The following SLC30A2 variants were observed in gnomAD, a reference collection of about 807,000 sequenced individuals.
The protein encoded by SLC30A2 is solute carrier family 30 member 2.
SLC30A2 carries 19 observed loss-of-function variants against 39.6 expected under a neutral mutation model. That is an observed-to-expected ratio of 0.48 (90% CI 0.34 to 0.70). SLC30A2 has a LOEUF of 0.70. SLC30A2 is among the 30% of genes least tolerant of loss of function. The pLI, the probability that SLC30A2 is intolerant of heterozygous loss-of-function variation, is 0.01. For synonymous variants in SLC30A2, 195 were observed against 194.8 expected (o/e 1.00, Z -0.01); for missense variants, 387 against 479.4 (o/e 0.81, Z 1.80).
intron 6 of SLC30A2, 137 bp from the exon 7 acceptor site, chr1:26,040,048 T>G (rs748110716): frequency 2.5e-5 from 20 of 811,300 alleles, no homozygotes; most frequent in Non-Finnish European, 3.8e-5. Flanking sequence ...TGAGGCTGCC[T>G]TCACCTCCCA....
At chr1:26,043,039 T>A (rs955160421) in intron 4 of SLC30A2, among the ~76,000 whole-genome samples, 1 of 152,196 alleles carries the variant, frequency 6.6e-6, no homozygotes, top group Non-Finnish European at 1.5e-5. Context: ...GAGACACCCA[T>A]TGTCTCTAAC....
chr1:26,038,873 T>A lies in SLC30A2; in HGVS notation c.*287A>T. On this transcript the variant is annotated 3_prime_UTR_variant, in exon 8 of 8. Coordinates refer to ENST00000374276, the MANE Select transcript of SLC30A2 (RefSeq NM_001004434.3). ...GGCTCACCACCTTTGCCCCTGCGAG[T>A]GGTAGAACATTTGCTGAGGATTAGG... 1 of 657,372 alleles carries A rather than the reference T, an allele frequency of 1.5e-6. No individual in the cohort carries two copies. Among genetic ancestry groups the A allele is most frequent in the African/African-American group, 1.9e-5 (1 of 53,614 alleles). The allele number at this position is 657,372 out of a possible 1,614,324, so 40.7% of individuals were successfully genotyped here. A position where few individuals can be genotyped will look rare whatever the true frequency, so the allele number is the denominator to read the frequency against.
At position 26,043,398 on chromosome 1, in the gene SLC30A2, A is replaced by G. The variant is rs776195536; in HGVS notation, c.572T>C (p.Ile191Thr). Residue 191 changes from isoleucine (I) to threonine (T), a missense_variant and splice_region_variant, in exon 4 of 8, where the codon ATA (isoleucine) becomes ACA (threonine). Ile to Thr is a moderately conservative substitution (Grantham distance 89). Coordinates refer to ENST00000374276, the MANE Select transcript of SLC30A2 (RefSeq NM_001004434.3). Reference protein sequence around the residue: ...TSGCAVAVNIIMGLTLHQSGH... With the variant: ...TSGCAVAVNITMGLTLHQSGH... ...CGAGGGAAACTGGGGCCCCACTCAC[A>G]TGATGTTCACAGCCACAGCGCAGCC... is the stretch of plus-strand genomic sequence containing the variant. 2 of 1,613,572 alleles carry G rather than the reference A, an allele frequency of 1.2e-6. No homozygotes were observed. The highest frequency in any genetic ancestry group is 1.7e-6 in the Non-Finnish European group (2 of 1,179,660).
Position 26,039,698 on chromosome 1 carries a change from T to C in SLC30A2, c.973+79A>G. The C allele has an allele frequency of 6.8e-7, 1 of 1,477,704 alleles. No individual in the cohort carries two copies. The highest frequency in any genetic ancestry group is 9.2e-7 in the Non-Finnish European group (1 of 1,084,980). The allele number at this position is 1,477,704 out of a possible 1,614,324, so 91.5% of individuals were successfully genotyped here. A position where few individuals can be genotyped will look rare whatever the true frequency, so the allele number is the denominator to read the frequency against. On this transcript the variant is annotated intron_variant, in intron 7 of 7. Transcript: ENST00000374276. This position sits in a 1 kb window ranked among gnomAD's most constrained non-coding sequence, Gnocchi z 4.3. ...GCATGGGCACTGTGAGCATCTGGGG[T>C]CACCTGGACCCGTTGGGGATGGCAC...
intron 6 of SLC30A2, 85 bp downstream of exon 6, chr1:26,041,615 A>C: frequency 1.2e-6 from 1 of 814,972 alleles, no homozygotes; most frequent in Non-Finnish European, 2.1e-6. Context: ...ATGTGCTAGG[A>C]TGCCCCAGAC....
intron 3 of SLC30A2, 39 bp downstream of exon 3, chr1:26,044,259 C>G (rs761942370): frequency 6.2e-6 from 10 of 1,609,582 alleles, no homozygotes; most frequent in Middle Eastern, 1.7e-4. Context: ...AACCCACCCT[C>G]TCTCTCAACC....
At position 26,045,917 on chromosome 1, in the gene SLC30A2, G is replaced by C; in HGVS notation, c.-21C>G. On this transcript the variant is annotated 5_prime_UTR_variant, in exon 1 of 8. Coordinates refer to ENST00000374276, the MANE Select transcript of SLC30A2 (RefSeq NM_001004434.3). ...TCCATGCAGTCCCGCGCCGAGTCCC[G>C]GCAGCCGCGCAGCCGCCCCGCCGAG... 3.1e-6 allele frequency: 5 copies of C among 1,607,752 alleles called. No individual in the cohort carries two copies. Among genetic ancestry groups the C allele is most frequent in the Non-Finnish European group, 3.4e-6 (4 of 1,179,110 alleles).
At chr1:26,043,966 C>T (rs2050430518) in intron 3 of SLC30A2, among the ~76,000 whole-genome samples, 1 of 152,124 alleles carries the variant, frequency 6.6e-6, no homozygotes, top group Non-Finnish European at 1.5e-5. Context: ...CTGGCCTTCC[C>T]CTCCCCCCAG....
chr1:26,045,879 C>T lies in SLC30A2; in HGVS notation c.18G>A (p.Lys6=), dbSNP rs1238852330. Residue 6 remains lysine, a synonymous_variant, in exon 1 of 8, where the codon AAG becomes AAA. Coordinates refer to ENST00000374276, the MANE Select transcript of SLC30A2 (RefSeq NM_001004434.3). Reference sequence around the variant, plus strand: ...CCGGCCTGGCGTCCAACAGATGCTGCTTCTCCTTGGCCTCCATGCAGTCCC... The same window carrying T: ...CCGGCCTGGCGTCCAACAGATGCTGTTTCTCCTTGGCCTCCATGCAGTCCC... MEAKE[K]QHLLDARPAI... 3.7e-6 allele frequency: 6 copies of T among 1,613,006 alleles called. No homozygotes were observed. Among genetic ancestry groups the T allele is most frequent in the East Asian group, 2.2e-5 (1 of 44,872 alleles).
At position 26,038,909 on chromosome 1, in the gene SLC30A2, G is replaced by T; in HGVS notation, c.*251C>A. 2 of 1,033,008 alleles carry T rather than the reference G, an allele frequency of 1.9e-6. No individual in the cohort carries two copies. Among genetic ancestry groups the T allele is most frequent in the Non-Finnish European group, 2.5e-6 (2 of 796,436 alleles). 64.0% of individuals were successfully genotyped at this position (1,033,008 alleles called of 1,614,324 possible). On this transcript the variant is annotated 3_prime_UTR_variant, in exon 8 of 8. Transcript: ENST00000374276. Reference sequence around the variant, plus strand: ...TTGCTGAGGATTAGGCCCAAATACAGCCCTTCCAGAGCTGGCCCAGGAGCT... The same window carrying T: ...TTGCTGAGGATTAGGCCCAAATACATCCCTTCCAGAGCTGGCCCAGGAGCT...
chr1:26,045,306 T>A, intron 1 of SLC30A2, 89 bp from the exon 2 acceptor site: 1 of 1,062,236 alleles, frequency 9.4e-7, no homozygotes, highest in East Asian at 2.5e-5. Context: ...AGGCCTTGTG[T>A]CCACTGGGAA....
chr1:26,045,565 G>A, intron 1 of SLC30A2: 1 of 618,072 alleles, frequency 1.6e-6, no homozygotes, highest in Non-Finnish European at 2.8e-6. Flanking sequence ...GGGCGGGGCT[G>A]CCTGGGGCAA....
rs892689660 is a variant in SLC30A2, at chr1:26,043,634, C to T, written c.419-83G>A. Reference sequence around the variant, plus strand: ...TTCCCCCTTCCTTCAGGATCCTCCCCACCCACCTCCCACACAAAGTCAGGG... The same window carrying T: ...TTCCCCCTTCCTTCAGGATCCTCCCTACCCACCTCCCACACAAAGTCAGGG... On this transcript the variant is annotated intron_variant, in intron 3 of 7. Coordinates refer to ENST00000374276, the MANE Select transcript of SLC30A2 (RefSeq NM_001004434.3). 1.6e-5 allele frequency: 23 copies of T among 1,410,100 alleles called. No homozygotes were observed. The East Asian group carries it at 5.0e-4, about 30-fold the overall frequency. 87.3% of individuals were successfully genotyped at this position (1,410,100 alleles called of 1,614,324 possible).
chr1:26,038,846 G>C lies in SLC30A2; in HGVS notation c.*314C>G. On this transcript the variant is annotated 3_prime_UTR_variant, in exon 8 of 8. Transcript: ENST00000374276. ...GGGCCAGCCTCCCCTTGGACGTCCC[G>C]TGGCTCACCACCTTTGCCCCTGCGA... is the stretch of plus-strand genomic sequence containing the variant. 1 of 392,036 alleles carries C rather than the reference G, an allele frequency of 2.6e-6. No homozygotes were observed. Among genetic ancestry groups the C allele is most frequent in the Non-Finnish European group, 3.8e-6 (1 of 260,484 alleles). The allele number at this position is 392,036 out of a possible 1,614,324, so 24.3% of individuals were successfully genotyped here.
chr1:26,037,939 T>A lies in SLC30A2; in HGVS notation c.*1221A>T, dbSNP rs1466361381. On this transcript the variant is annotated 3_prime_UTR_variant, in exon 8 of 8. Transcript: ENST00000374276. The stretch of plus-strand genomic sequence containing the variant: ...CCCTGGGGAGGCTGGGAAGCCCACC[T>A]GACTCCTCAGTGAGGCAGCCTCGGG... 1.3e-5 allele frequency: 2 copies of A among 152,238 alleles called. No individual in the cohort carries two copies. Among genetic ancestry groups the A allele is most frequent in the Non-Finnish European group, 2.9e-5 (2 of 68,046 alleles). 9.4% of individuals were successfully genotyped at this position (152,238 alleles called of 1,614,324 possible).
At position 26,042,637 on chromosome 1, in the gene SLC30A2, G is replaced by A; in HGVS notation, c.644C>T (p.Pro215Leu). The change falls in exon 5 of 8, where the codon CCC becomes CTC. Residue 215 changes from proline to leucine, a missense_variant. Pro to Leu is a moderately conservative substitution (Grantham distance 98, BLOSUM62 -3). Coordinates refer to ENST00000374276, the MANE Select transcript of SLC30A2 (RefSeq NM_001004434.3). The part of the protein sequence containing the change: ...HGTTNQQEEN[P>L]SVRAAFIHVI... ...ATGGATGAAGGCAGCTCGGACGCTG[G>A]GGTTCTCCTCCTGCTGGTTGGTGGT... 4 of 1,614,174 alleles carry A rather than the reference G, an allele frequency of 2.5e-6. No individual in the cohort carries two copies. Among genetic ancestry groups the A allele is most frequent in the Non-Finnish European group, 3.4e-6 (4 of 1,180,012 alleles).
rs2050410302 is a variant in SLC30A2 at position 26,042,595 on chromosome 1, A to G, written c.686T>C (p.Met229Thr). ...TGCCACTAGGACACCCATGCTCTGCATAAAGTCGCCGATCACATGGATGAA... is the reference window on the plus strand; with the variant it reads ...TGCCACTAGGACACCCATGCTCTGCGTAAAGTCGCCGATCACATGGATGAA... ...AAFIHVIGDF[M>T]QSMGVLVAAY... The change falls in exon 5 of 8, where the codon ATG becomes ACG. Residue 229 changes from methionine (M) to threonine (T), a missense_variant. Met to Thr is a moderately conservative substitution (Grantham distance 81, BLOSUM62 -1). Transcript: ENST00000374276. 1 of 1,614,212 alleles carries G rather than the reference A, an allele frequency of 6.2e-7. No individual in the cohort carries two copies. The highest frequency in any genetic ancestry group is 1.1e-5 in the South Asian group (1 of 91,080).
Position 26,039,355 on chromosome 1 carries a change from G to A in SLC30A2, c.974-50C>T. On this transcript the variant is annotated intron_variant, in intron 7 of 7. Transcript: ENST00000374276. This position sits in a 1 kb window ranked among gnomAD's most constrained non-coding sequence, Gnocchi z 4.3. ...GGGAAGCCATTTACTCTGGCCCTTT[G>A]GAACCATCAGGAGCCCAAATCTCAT... 3.5e-6 allele frequency: 5 copies of A among 1,439,298 alleles called. No homozygotes were observed. Among genetic ancestry groups the A allele is most frequent in the Non-Finnish European group, 4.9e-6 (5 of 1,029,786 alleles). The allele number at this position is 1,439,298 out of a possible 1,614,324, so 89.2% of individuals were successfully genotyped here. A position where few individuals can be genotyped will look rare whatever the true frequency, so the allele number is the denominator to read the frequency against.
Position 26,039,885 on chromosome 1 carries a change from C to T in SLC30A2, c.865G>A (p.Ala289Thr). ...ACCGACAGCAGCAGATCACGAACAG[C>T]TGTGAAGTCAACGCCCTTGGGGGTC... is the stretch of plus-strand genomic sequence containing the variant. The part of the protein sequence containing the change: ...EGTPKGVDFT[A>T]VRDLLLSVEG... The change falls in exon 7 of 8, where the codon GCT (alanine) becomes ACT (threonine). Residue 289 changes from alanine (A) to threonine (T), a missense_variant. Transcript: ENST00000374276. This position sits in a 1 kb window ranked among gnomAD's most constrained non-coding sequence, Gnocchi z 4.3. 6.2e-7 allele frequency: 1 copy of T among 1,614,146 alleles called. No homozygotes were observed. Among genetic ancestry groups the T allele is most frequent in the Non-Finnish European group, 8.5e-7 (1 of 1,180,044 alleles).
Sources: gnomAD v4.1 joint callset for allele counts (sites outside exome capture counted in the v4.1 genomes callset) on GRCh38, gnomAD v4.1.1 for gene constraint, Gnocchi (gnomAD v3.1) non-coding constraint, MANE v1.5 for transcripts, NCBI Gene and HGNC (gene_info 2026-07-23, HGNC 2026-07-21) for gene names.